MME: variants seen among roughly 807,000 people sequenced by gnomAD.
MME encodes membrane metalloendopeptidase.
A neutral mutation model predicts 113.2 loss-of-function variants in MME; 98 were observed. The observed-to-expected ratio is 0.87, with a 90% CI of 0.74 to 1.02. MME has a LOEUF of 1.02. Among genes scored for constraint, MME ranks in the 50% least tolerant of loss-of-function variants. The pLI, the probability that MME is intolerant of heterozygous loss-of-function variation, is 0.00. For synonymous variants in MME, 292 were observed against 300.6 expected (o/e 0.97, Z 0.30); for missense variants, 836 against 896.0 (o/e 0.93, Z 0.86).
chr3:155,025,689 CTTTTTTT>C (rs775452382), intron 1 of MME, among the ~76,000 whole-genome samples: 3 of 109,054 alleles, frequency 2.8e-5, no homozygotes, highest in Non-Finnish European at 5.6e-5. Context: ...TTCTTTCTTT[CTTTTTTT>C]TTTTTTTTTT....
At chr3:155,137,937 T>C (rs201410726) in intron 8 of MME, among the ~76,000 whole-genome samples, 165 bp from the exon 9 acceptor site, 10 of 76,062 alleles carry the variant, frequency 1.3e-4, no homozygotes, top group Non-Finnish European at 3.4e-4. Context: ...ATATTGACTG[T>C]CTAAGAATCT....
intron 3 of MME, among the ~76,000 whole-genome samples, chr3:155,109,470 T>C (rs1717988180): frequency 6.6e-6 from 1 of 152,176 alleles, no homozygotes; most frequent in Admixed American, 6.5e-5. Flanking sequence ...CAGCCAATTA[T>C]AAGGGACTGA....
intron 1 of MME, among the ~76,000 whole-genome samples, chr3:155,063,339 A>C (rs1173967804): frequency 2.7e-5 from 3 of 111,004 alleles, no homozygotes; most frequent in Non-Finnish European, 5.0e-5. Flanking sequence ...ATAAATATAT[A>C]ATTATATAAT....
At chr3:155,142,980 T>C (rs1430472447) in intron 12 of MME, among the ~76,000 whole-genome samples, 1 of 152,176 alleles carries the variant, frequency 6.6e-6, no homozygotes, top group Non-Finnish European at 1.5e-5. Flanking sequence ...CAAAAATGTA[T>C]TGTGCTAAAT....
At chr3:155,150,161 A>G (rs1721819445) in intron 16 of MME, among the ~76,000 whole-genome samples, 1 of 152,220 alleles carries the variant, frequency 6.6e-6, no homozygotes, top group Non-Finnish European at 1.5e-5. Context: ...GTCAAATATT[A>G]TTTCTGAAAT....
At chr3:155,173,780 A>C (rs1712225663) in intron 22 of MME, among the ~76,000 whole-genome samples, 1 of 152,072 alleles carries the variant, frequency 6.6e-6, no homozygotes, top group Non-Finnish European at 1.5e-5. Flanking sequence ...TATTCAAAAA[A>C]CTTTTAGTTT....
Position 155,115,169 on chromosome 3 carries a change from G to A in MME, c.358+14G>A, listed in dbSNP as rs761036039. The A allele has an allele frequency of 1.3e-5, 21 of 1,613,400 alleles. No individual in the cohort carries two copies. The highest frequency in any genetic ancestry group is 1.7e-5 in the Non-Finnish European group (20 of 1,179,702). On this transcript the variant is annotated intron_variant, in intron 4 of 22. Coordinates refer to ENST00000360490, the MANE Select transcript of MME (RefSeq NM_007289.4). ...TCGTTTTGAAAGGTTAGTAGAGATT[G>A]TGTCTGTGCATCAAAGATTTCTCTC...
chr3:155,040,728 CA>C (rs893223644), intron 1 of MME, among the ~76,000 whole-genome samples: 2 of 151,516 alleles, frequency 1.3e-5, no homozygotes, highest in Non-Finnish European at 2.9e-5. Flanking sequence ...AAAATAATAT[CA>C]AAAAAAGACT....
At chr3:155,079,634 G>GGC (rs1553752934), upstream of MME, 3 of 140,334 alleles carry the variant, frequency 2.1e-5, no homozygotes, top group African/African-American at 2.5e-5. Flanking sequence ...AGGGGGTGGG[G>GGC]GGGGTGGGCC....
intron 1 of MME, among the ~76,000 whole-genome samples, chr3:155,074,079 C>A (rs905335207): frequency 6.6e-6 from 1 of 151,558 alleles, no homozygotes; most frequent in South Asian, 2.1e-4. Flanking sequence ...CCAACTACAC[C>A]ATCCAGGCCT....
Position 155,055,614 on chromosome 3 carries a change from T to G in MME, c.-10-28544T>G, listed in dbSNP as rs947716373. On this transcript the variant is annotated intron_variant, in intron 1 of 22. Transcript: ENST00000492661. ...ACCGTCTCAAAAAAAAAAAAAACTT[T>G]TATATAATTCCACCATTTACATAAA... Among the ~76,000 whole-genome samples the G allele has an allele frequency of 3.9e-5, 6 of 151,974 alleles. No homozygotes were observed. The East Asian group carries it at 1.2e-3, about 29-fold the overall frequency.
intron 1 of MME, among the ~76,000 whole-genome samples, chr3:155,044,588 T>G (rs1713483001): frequency 6.6e-6 from 1 of 151,782 alleles, no homozygotes; most frequent in Non-Finnish European, 1.5e-5. Flanking sequence ...TGGCACAATC[T>G]CAGCTCATGC....
At chr3:155,144,314 A>G (rs756970480) in intron 13 of MME, 45 bp from the exon 14 acceptor site, 3 of 1,280,308 alleles carry the variant, frequency 2.3e-6, no homozygotes, top group African/African-American at 2.9e-5. Flanking sequence ...CTGTGTTACA[A>G]AGAATGAATT....
chr3:155,079,641 G>GGGGGGAGGGGGGGGGGGGGGGGC (rs1714938513), upstream of MME: 1 of 138,762 alleles, frequency 7.2e-6, no homozygotes, highest in Non-Finnish European at 1.6e-5. Flanking sequence ...GGGGGGGGTG[G>GGGGGGAGGGGGGGGGGGGGGGGC]GCCGTGAGAG....
intron 20 of MME, among the ~76,000 whole-genome samples, chr3:155,169,253 C>T (rs1049258183): frequency 6.6e-6 from 1 of 152,042 alleles, no homozygotes; most frequent in Non-Finnish European, 1.5e-5. Context: ...CATATTAAAC[C>T]ATAGTTCATA....
At position 155,124,547 on chromosome 3, in the gene MME, C is replaced by G. The variant is rs1285013649; in HGVS notation, c.720+5736C>G. ...GTTCTGTTTTTTCCCCATCTTTGTG[C>G]TTTTATCTACTTTTGGTCTTTGATG... is the stretch of plus-strand genomic sequence containing the variant. On this transcript the variant is annotated intron_variant, in intron 8 of 22. Coordinates refer to ENST00000360490, the MANE Select transcript of MME (RefSeq NM_007289.4). 6.3e-4 allele frequency among the ~76,000 whole-genome samples: 96 copies of G among 152,126 alleles called. 1 individual carries two copies. In the East Asian group the frequency reaches 0.01, roughly 16 times the overall value.
At chr3:155,057,909 A>C (rs1713993511) in intron 1 of MME, among the ~76,000 whole-genome samples, 1 of 152,094 alleles carries the variant, frequency 6.6e-6, no homozygotes, top group African/African-American at 2.4e-5. Flanking sequence ...TCTTGCTGCC[A>C]TACTAAATTA....
Position 155,180,593 on chromosome 3 carries a change from C to A in MME, c.*134C>A. The A allele has an allele frequency of 2.7e-6, 2 of 734,814 alleles. No homozygotes were observed. Among genetic ancestry groups the A allele is most frequent in the Non-Finnish European group, 5.0e-6 (2 of 398,680 alleles). 45.5% of individuals were successfully genotyped at this position (734,814 alleles called of 1,614,324 possible). A position where few individuals can be genotyped will look rare whatever the true frequency, so the allele number is the denominator to read the frequency against. On this transcript the variant is annotated 3_prime_UTR_variant, in exon 23 of 23. Transcript: ENST00000360490. ...GGGTGATTAACAGAGAGGGCACCAT[C>A]ACAATACAGATAACATTAGGTTGTC...
intron 1 of MME, among the ~76,000 whole-genome samples, chr3:155,068,221 A>C (rs911567519): frequency 6.6e-6 from 1 of 152,220 alleles, no homozygotes; most frequent in Admixed American, 6.5e-5. Context: ...AGAAAATGCA[A>C]ACTAGTATAC....
Sources: allele counts gnomAD v4.1 joint callset (sites outside exome capture counted in the v4.1 genomes callset), GRCh38; gene constraint gnomAD v4.1.1; transcripts MANE v1.5; gene names NCBI Gene and HGNC (gene_info 2026-07-23, HGNC 2026-07-21).